NR5A2: variants seen among roughly 807,000 people sequenced by gnomAD.
NR5A2 encodes CYP7A promoter-binding factor.
In NR5A2, 26 loss-of-function variants were observed where a neutral mutation model predicts 62.7. That is an observed-to-expected ratio of 0.41 (90% CI 0.30 to 0.58). The LOEUF is 0.58. Among genes scored for constraint, NR5A2 ranks in the 20% least tolerant of loss-of-function variants. NR5A2 has a pLI of 0.22. For synonymous variants in NR5A2, 246 were observed against 241.7 expected (o/e 1.02, Z -0.16); for missense variants, 541 against 669.1 (o/e 0.81, Z 2.11).
chr1:200,085,867 C>T (rs1291958431), intron 5 of NR5A2, among the ~76,000 whole-genome samples: 4 of 152,150 alleles, frequency 2.6e-5, no homozygotes, highest in Non-Finnish European at 4.4e-5. Flanking sequence ...AAGACCGACA[C>T]AATTTATCTT....
chr1:200,038,815 G>A, intron 1 of NR5A2: 2 of 1,265,532 alleles, frequency 1.6e-6, no homozygotes, highest in Non-Finnish European at 2.1e-6. Flanking sequence ...CCGGGCCAGG[G>A]TGGGGTGGGA....
At chr1:200,138,021 G>A (rs1217096952) in intron 7 of NR5A2, among the ~76,000 whole-genome samples, 1 of 152,140 alleles carries the variant, frequency 6.6e-6, no homozygotes, top group Non-Finnish European at 1.5e-5. Context: ...TTTAAAAACA[G>A]GTTGATGTGC....
rs967069495 is a variant in NR5A2, at chr1:200,136,607, G to T, written c.1378+15652G>T. Among the ~76,000 whole-genome samples, 4 of 152,156 alleles carry T rather than the reference G, an allele frequency of 2.6e-5. 1 individual carries two copies. The highest frequency in any genetic ancestry group is 4.1e-4 in the South Asian group (2 of 4,820). ...CTAGTAAGTAATAGAACTGGGATTT[G>T]CACACTTTAGTCATCAAAGTCTAGG... is the stretch of plus-strand genomic sequence containing the variant. On this transcript the variant is annotated intron_variant, in intron 7 of 7. Coordinates refer to ENST00000367362, the MANE Select transcript of NR5A2 (RefSeq NM_205860.3).
rs559094232 is a variant in NR5A2 at position 200,077,405 on chromosome 1, C to T, written c.1110+28587C>T. On this transcript the variant is annotated intron_variant, in intron 5 of 7. Coordinates refer to ENST00000367362, the MANE Select transcript of NR5A2 (RefSeq NM_205860.3). ...TATTAGGTTAGTGCAAAATTAATTG[C>T]GGTTTTTGCCATTAAAACCACAATT... Among the ~76,000 whole-genome samples, 11 of 152,290 alleles carry T rather than the reference C, an allele frequency of 7.2e-5. No individual in the cohort carries two copies. In the South Asian group the frequency reaches 1.7e-3, roughly 23 times the overall value.
intron 7 of NR5A2, among the ~76,000 whole-genome samples, chr1:200,145,633 G>C (rs1667667616): frequency 6.6e-6 from 1 of 152,088 alleles, no homozygotes; most frequent in African/African-American, 2.4e-5. Flanking sequence ...AGGTTTGTTT[G>C]ATTATTTTTT....
In NR5A2 at chr1:200,080,200, C is replaced by G. The variant is rs1038441963; in HGVS notation, c.1111-31002C>G. Among the ~76,000 whole-genome samples, 53 of 152,126 alleles carry G rather than the reference C, an allele frequency of 3.5e-4. 1 individual carries two copies. Among genetic ancestry groups the G allele is most frequent in the African/African-American group, 1.2e-3 (50 of 41,436 alleles). On this transcript the variant is annotated intron_variant, in intron 5 of 7. Coordinates refer to ENST00000367362, the MANE Select transcript of NR5A2 (RefSeq NM_205860.3). ...CAGGCAATGCTACCAAGAAATATGT[C>G]TAATGGCTCAAATGTTACAATCAAA... is the stretch of plus-strand genomic sequence containing the variant.
intron 1 of NR5A2, chr1:200,029,142 G>T (rs1349255773): frequency 2.3e-6 from 1 of 433,112 alleles, no homozygotes; most frequent in African/African-American, 2.1e-5. Flanking sequence ...AGTCCTTCCC[G>T]GCAGCTCCGC....
intron 6 of NR5A2, among the ~76,000 whole-genome samples, chr1:200,118,866 T>G (rs1391661607): frequency 6.6e-6 from 1 of 152,234 alleles, no homozygotes; most frequent in East Asian, 1.9e-4. Context: ...TCCTGCCTCC[T>G]TCCAGCTCAG....
intron 5 of NR5A2, among the ~76,000 whole-genome samples, chr1:200,089,301 A>C (rs1262670585): frequency 6.7e-6 from 1 of 148,720 alleles, no homozygotes; most frequent in Non-Finnish European, 1.5e-5. Flanking sequence ...TGCAACCTCC[A>C]CCTCCTGAGT....
chr1:200,127,669 T>G (rs1412661217), intron 7 of NR5A2, among the ~76,000 whole-genome samples: 1 of 62,686 alleles, frequency 1.6e-5, no homozygotes, highest in East Asian at 5.7e-4. Context: ...AGAGAAAGAC[T>G]CTGTCTCAAA....
At chr1:200,090,755 G>A (rs1450385929) in intron 5 of NR5A2, among the ~76,000 whole-genome samples, 1 of 152,128 alleles carries the variant, frequency 6.6e-6, no homozygotes, top group Non-Finnish European at 1.5e-5. Flanking sequence ...GGAGGTAGGG[G>A]GCATCAGTGA....
intron 7 of NR5A2, among the ~76,000 whole-genome samples, chr1:200,126,177 T>C (rs1218492792): frequency 6.6e-6 from 1 of 152,092 alleles, no homozygotes; most frequent in African/African-American, 2.4e-5. Flanking sequence ...AAATCATAAT[T>C]TGGAAGGAAA....
At chr1:200,035,466 C>T (rs144055475) in intron 1 of NR5A2, among the ~76,000 whole-genome samples, 1 of 152,214 alleles carries the variant, frequency 6.6e-6, no homozygotes, top group Non-Finnish European at 1.5e-5. Flanking sequence ...CGGGGGCTGA[C>T]CAACACTTTC....
chr1:200,105,323 GA>G (rs144576913), intron 5 of NR5A2, among the ~76,000 whole-genome samples: 15 of 150,836 alleles, frequency 9.9e-5, no homozygotes, highest in Admixed American at 7.3e-4. Flanking sequence ...CACTGAGAGA[GA>G]AAAAAAAAGT....
At position 200,031,201 on chromosome 1, in the gene NR5A2, CCAGAGTTAA is replaced by C. The variant is rs143285889; in HGVS notation, c.64+3298_64+3306del. 6.7e-3 allele frequency among the ~76,000 whole-genome samples: 1,018 copies of C among 152,146 alleles called. 15 individuals carry two copies. The highest frequency in any genetic ancestry group is 0.024 in the African/African-American group (988 of 41,484). On this transcript the variant is annotated intron_variant, in intron 1 of 7. Coordinates refer to ENST00000367362, the MANE Select transcript of NR5A2 (RefSeq NM_205860.3). The stretch of plus-strand genomic sequence containing the variant: ...TCTGGCCTGGATCCACAGGTAGTGA[CCAGAGTTAA>C]CAGAGTTCTTGGGCCAGGCACAGTG...
chr1:200,122,302 T>C (rs920015282), intron 7 of NR5A2, among the ~76,000 whole-genome samples: 1 of 152,234 alleles, frequency 6.6e-6, no homozygotes, highest in Non-Finnish European at 1.5e-5. Flanking sequence ...CAAATTATTC[T>C]GGTTTATGTT....
intron 5 of NR5A2, among the ~76,000 whole-genome samples, chr1:200,072,151 T>G (rs942399525): frequency 1.3e-5 from 2 of 152,088 alleles, no homozygotes; most frequent in Non-Finnish European, 2.9e-5. Flanking sequence ...GAAAATTAAT[T>G]TTTCTGTTTT....
rs529568546 is a variant in NR5A2 at position 200,171,992 on chromosome 1, G to A, written c.1379-1971G>A. Among the ~76,000 whole-genome samples the A allele has an allele frequency of 7.2e-5, 11 of 152,044 alleles. No individual in the cohort carries two copies. In the South Asian group the frequency reaches 2.1e-3, roughly 29 times the overall value. ...AAGTTTCAAACAACTTTCTAAAAAG[G>A]GTATTCTTCATTTTTCTTACATTTT... On this transcript the variant is annotated intron_variant, in intron 7 of 7. Coordinates refer to ENST00000367362, the MANE Select transcript of NR5A2 (RefSeq NM_205860.3).
chr1:200,100,306 C>A (rs991286058), intron 5 of NR5A2, among the ~76,000 whole-genome samples: 1 of 150,258 alleles, frequency 6.7e-6, no homozygotes, highest in African/African-American at 2.4e-5. Flanking sequence ...CATTTAGCAT[C>A]TTTCATATTT....
Sources: gnomAD v4.1 joint callset for allele counts (sites outside exome capture counted in the v4.1 genomes callset) on GRCh38, gnomAD v4.1.1 for gene constraint, MANE v1.5 for transcripts, NCBI Gene and HGNC (gene_info 2026-07-23, HGNC 2026-07-21) for gene names.